Variants in COL24A1 observed in about 807,000 individuals in gnomAD.
COL24A1 encodes the protein collagen alpha-1(XXIV) chain.
COL24A1 carries 224 observed loss-of-function variants against 253.9 expected under a neutral mutation model. That is an observed-to-expected ratio of 0.88 (90% CI 0.79 to 0.99). The LOEUF is 0.99. Ranked by LOEUF, COL24A1 falls within the 50% of genes least tolerant of loss-of-function variation. The pLI is 0.00. For missense variants in COL24A1, 2,131 were observed against 2,068.5 expected (o/e 1.03, Z -0.59); for synonymous variants, 685 against 673.7 (o/e 1.02, Z -0.26).
chr1:86,116,220 A>G (rs1034676949), intron 3 of COL24A1, among the ~76,000 whole-genome samples: 1 of 152,178 alleles, frequency 6.6e-6, no homozygotes. Context: ...GTGTCTATAG[A>G]GCATACCATA....
At chr1:85,823,465 A>T (rs370140896) in intron 45 of COL24A1, 71 bp downstream of exon 45, 2 of 1,376,610 alleles carry the variant, frequency 1.5e-6, no homozygotes, top group Non-Finnish European at 2.1e-6. Context: ...ATAAATAGTA[A>T]CTCCTTGTGC....
chr1:86,071,678 A>G (rs1701883589), intron 7 of COL24A1, among the ~76,000 whole-genome samples: 1 of 152,250 alleles, frequency 6.6e-6, no homozygotes, highest in Admixed American at 6.5e-5. Context: ...AAAGGGGTCA[A>G]TTCAGTGAGA....
intron 24 of COL24A1, among the ~76,000 whole-genome samples, chr1:85,953,294 G>A (rs861933): frequency 0.54 from 81,628 of 151,948 alleles, 22,631 homozygotes; most frequent in African/African-American, 0.64. Flanking sequence ...CCATTTCCTC[G>A]AAAGTTGTGA....
intron 53 of COL24A1, among the ~76,000 whole-genome samples, chr1:85,765,488 G>A (rs1407758720): frequency 7.3e-5 from 11 of 151,272 alleles, no homozygotes; most frequent in Admixed American, 5.3e-4. Context: ...GAAGAATCAC[G>A]TGGGGCCAGG....
intron 14 of COL24A1, among the ~76,000 whole-genome samples, chr1:86,024,776 T>C (rs948779483): frequency 1.2e-4 from 18 of 152,264 alleles, no homozygotes; most frequent in South Asian, 4.1e-4. Flanking sequence ...ATATCTCTGT[T>C]TGGAAATTAT....
chr1:86,102,782 G>A (rs1704581573), intron 5 of COL24A1, among the ~76,000 whole-genome samples: 1 of 152,198 alleles, frequency 6.6e-6, no homozygotes, highest in Non-Finnish European at 1.5e-5. Flanking sequence ...ATTTGCTGAG[G>A]ATTGTTTTAC....
chr1:85,828,962 C>T (rs1674790641), intron 43 of COL24A1, among the ~76,000 whole-genome samples: 1 of 151,476 alleles, frequency 6.6e-6, no homozygotes, highest in Admixed American at 6.6e-5. Flanking sequence ...TTGATCCTGT[C>T]ATTATGCTGT....
chr1:85,900,709 A>G (rs1047656503), intron 28 of COL24A1, among the ~76,000 whole-genome samples: 1 of 152,152 alleles, frequency 6.6e-6, no homozygotes, highest in Non-Finnish European at 1.5e-5. Context: ...TAGTATAAAA[A>G]CAGACACATA....
At chr1:86,126,260 A>G in intron 2 of COL24A1, 46 bp from the exon 3 acceptor site, 1 of 1,493,556 alleles carries the variant, frequency 6.7e-7, no homozygotes, top group Admixed American at 2.2e-5. Context: ...AATTTTATGG[A>G]TTCAAGTGTT....
At chr1:86,073,165 A>G (rs1701991636) in intron 7 of COL24A1, among the ~76,000 whole-genome samples, 1 of 152,182 alleles carries the variant, frequency 6.6e-6, no homozygotes, top group South Asian at 2.1e-4. Flanking sequence ...GGTGGGTAAT[A>G]ACAAACTCCT....
chr1:85,852,950 T>TG (rs1677955762), intron 37 of COL24A1, among the ~76,000 whole-genome samples: 1 of 152,108 alleles, frequency 6.6e-6, no homozygotes, highest in African/African-American at 2.4e-5. Context: ...GTAACCACAG[T>TG]ATTATGTTTT....
At chr1:85,825,668 T>C (rs1674220082) in intron 43 of COL24A1, among the ~76,000 whole-genome samples, 1 of 150,056 alleles carries the variant, frequency 6.7e-6, no homozygotes, top group Non-Finnish European at 1.5e-5. Context: ...ATTTCTCTGA[T>C]GGCCAGTGAT....
At chr1:86,092,131 T>G (rs930472377) in intron 6 of COL24A1, 136 bp downstream of exon 6, 3 of 643,972 alleles carry the variant, frequency 4.7e-6, no homozygotes, top group Admixed American at 3.4e-5. Flanking sequence ...TAGTTCTTCC[T>G]TCATTAAAAT....
intron 18 of COL24A1, among the ~76,000 whole-genome samples, chr1:86,018,384 CAA>C (rs374588460): frequency 6.6e-6 from 1 of 152,184 alleles, no homozygotes; most frequent in Middle Eastern, 3.4e-3. Flanking sequence ...TCCAAATAAA[CAA>C]AAACAAAATC....
At chr1:85,902,806 G>A (rs1003477562) in intron 28 of COL24A1, among the ~76,000 whole-genome samples, 2 of 152,142 alleles carry the variant, frequency 1.3e-5, no homozygotes, top group Non-Finnish European at 2.9e-5. Flanking sequence ...GTACAAACAT[G>A]CAATGAAATA....
chr1:85,907,156 T>TC (rs1553223338), intron 28 of COL24A1, 38 bp downstream of exon 28: 2 of 1,502,974 alleles, frequency 1.3e-6, no homozygotes, highest in African/African-American at 1.4e-5. Context: ...GAAGTAATTT[T>TC]GGGGGGGTTA....
intron 31 of COL24A1, among the ~76,000 whole-genome samples, chr1:85,893,578 G>A (rs1683355177): frequency 6.6e-6 from 1 of 152,072 alleles, no homozygotes; most frequent in Admixed American, 6.6e-5. Flanking sequence ...ACAATGGATT[G>A]TGGTCTTTCT....
Position 85,937,658 on chromosome 1 carries a change from G to T in COL24A1, c.2562+23591C>A, listed in dbSNP as rs372994820. ...GTATGCATGAGTCTGACATCATAGG[G>T]TGCAATTCAACAAGGCTAATATAAA... On this transcript the variant is annotated intron_variant, in intron 24 of 59. Coordinates refer to ENST00000370571, the MANE Select transcript of COL24A1 (RefSeq NM_152890.7). Among the ~76,000 whole-genome samples the T allele has an allele frequency of 1.4e-5, 2 of 147,306 alleles. 1 individual carries two copies. The highest frequency in any genetic ancestry group is 5.0e-5 in the African/African-American group (2 of 40,230).
intron 2 of COL24A1, 123 bp downstream of exon 2, chr1:86,145,996 G>A: frequency 1.3e-6 from 1 of 758,944 alleles, no homozygotes; most frequent in Admixed American, 2.8e-5. Flanking sequence ...ATGGTACTGG[G>A]TGGAATTTTT....
Sources: allele counts gnomAD v4.1 joint callset (sites outside exome capture counted in the v4.1 genomes callset), GRCh38; gene constraint gnomAD v4.1.1; transcripts MANE v1.5; gene names NCBI Gene and HGNC (gene_info 2026-07-23, HGNC 2026-07-21).